The following INTS2 variants were observed in gnomAD, a reference collection of about 807,000 sequenced individuals.
The protein encoded by INTS2 is integrator complex subunit 2.
In INTS2, 57 loss-of-function variants were observed where a neutral mutation model predicts 139.6. The observed-to-expected ratio is 0.41, with a 90% CI of 0.33 to 0.51. The LOEUF is 0.51. INTS2 is among the 20% of genes least tolerant of loss of function. The pLI is 0.28. For missense variants in INTS2, 1,196 were observed against 1,436.7 expected (o/e 0.83, Z 2.71); for synonymous variants, 473 against 493.4 (o/e 0.96, Z 0.55).
chr17:61,879,244 A>G (rs993795450), intron 17 of INTS2, among the ~76,000 whole-genome samples: 1 of 152,000 alleles, frequency 6.6e-6, no homozygotes, highest in African/African-American at 2.4e-5. Context: ...ACAGGACTGA[A>G]AGAGGAAAAT....
intron 8 of INTS2, among the ~76,000 whole-genome samples, chr17:61,904,973 G>A (rs1211815270): frequency 1.3e-5 from 2 of 148,544 alleles, no homozygotes; most frequent in Admixed American, 6.7e-5. Flanking sequence ...TTGAGACAAG[G>A]TCTTGCTCCA....
chr17:61,884,901 C>T lies in INTS2; in HGVS notation c.2089G>A (p.Gly697Arg). ...CAGTAAAAAGCAAAATAAAACATAC[C>T]TCCCAACTCCTGCTGCAGCCCTTGA... ...QAQGLQQELG[G>R]LHSALLRLLA... The change falls in exon 16 of 25, where the codon GGG (glycine) becomes AGG (arginine). Residue 697 changes from glycine (G) to arginine (R), a missense_variant and splice_region_variant. Transcript: ENST00000251334. The T allele has an allele frequency of 6.3e-7, 1 of 1,585,704 alleles. No individual in the cohort carries two copies. Among genetic ancestry groups the T allele is most frequent in the Non-Finnish European group, 8.6e-7 (1 of 1,160,812 alleles).
chr17:61,925,215 TTCTG>T (rs1228727172), intron 2 of INTS2, 116 bp from the exon 3 acceptor site: 6 of 947,186 alleles, frequency 6.3e-6, no homozygotes, highest in African/African-American at 1.6e-5. Flanking sequence ...TTCTAAAATG[TTCTG>T]TTACTTCTGA....
chr17:61,881,766 C>T (rs546843472), intron 16 of INTS2, among the ~76,000 whole-genome samples: 1 of 152,244 alleles, frequency 6.6e-6, no homozygotes, highest in East Asian at 1.9e-4. Context: ...AACTTCCTGA[C>T]AGTCATTTGA....
intron 15 of INTS2, among the ~76,000 whole-genome samples, chr17:61,888,512 T>G (rs992639541): frequency 1.4e-4 from 22 of 152,038 alleles, no homozygotes; most frequent in Non-Finnish European, 1.3e-4. Context: ...GTGAAGTAAC[T>G]AAGTTTCAAA....
rs971451613 is a variant in INTS2 at position 61,882,454 on chromosome 17, T to C, written c.2090-1283A>G. ...ATAATGTTAATAATGAGAGGCTGTG[T>C]GCGGTGGCTCATGCCTGTAATCCCA... On this transcript the variant is annotated intron_variant, in intron 16 of 24. Transcript: ENST00000251334. This position sits in a 1 kb window ranked among gnomAD's most constrained non-coding sequence, Gnocchi z 4.7. 5.3e-5 allele frequency among the ~76,000 whole-genome samples: 8 copies of C among 152,176 alleles called. No individual in the cohort carries two copies. The highest frequency in any genetic ancestry group is 7.3e-5 in the Non-Finnish European group (5 of 68,028).
chr17:61,866,488 A>G lies in INTS2; in HGVS notation c.*1069T>C, dbSNP rs545456860. The G allele has an allele frequency of 1.8e-4, 28 of 152,154 alleles. No individual in the cohort carries two copies. Among genetic ancestry groups the G allele is most frequent in the African/African-American group, 6.0e-4 (25 of 41,526 alleles). 9.4% of individuals were successfully genotyped at this position (152,154 alleles called of 1,614,324 possible). The stretch of plus-strand genomic sequence containing the variant: ...CATTGATAATTTTTTTTTAATGATT[A>G]GGGTTTACCTGAATATGTCTGCCTA... On this transcript the variant is annotated 3_prime_UTR_variant, in exon 25 of 25. Coordinates refer to ENST00000251334, the MANE Select transcript of INTS2 (RefSeq NM_001351695.2).
At chr17:61,878,612 T>C (rs2079146806) in intron 17 of INTS2, among the ~76,000 whole-genome samples, 1 of 150,606 alleles carries the variant, frequency 6.6e-6, no homozygotes, top group Non-Finnish European at 1.5e-5. Flanking sequence ...GCAAGTGTAG[T>C]TGTTCTTTCA....
chr17:61,885,414 CTTT>C (rs201806448), intron 15 of INTS2: 70 of 141,906 alleles, frequency 4.9e-4, no homozygotes, highest in Middle Eastern at 3.5e-3. Context: ...GTAATTTTAT[CTTT>C]TTTTTTTTTT....
At position 61,868,863 on chromosome 17, in the gene INTS2, G is replaced by A. The variant is rs141528060; in HGVS notation, c.3244+171C>T. Among the ~76,000 whole-genome samples the A allele has an allele frequency of 2.2e-3, 340 of 152,226 alleles. 1 individual carries two copies. The highest frequency in any genetic ancestry group is 7.6e-3 in the African/African-American group (316 of 41,556). On this transcript the variant is annotated intron_variant, in intron 23 of 24. Coordinates refer to ENST00000251334, the MANE Select transcript of INTS2 (RefSeq NM_001351695.2). This position sits in a 1 kb window ranked among gnomAD's most constrained non-coding sequence, Gnocchi z 4.7. Reference sequence around the variant, plus strand: ...CTATAAATCACATTTGTAAACAGAAGTTTCCAAAAGAAGAATTCAAAAGAC... The same window carrying A: ...CTATAAATCACATTTGTAAACAGAAATTTCCAAAAGAAGAATTCAAAAGAC...
Position 61,870,687 on chromosome 17 carries a change from G to A in INTS2, c.2779-699C>T, listed in dbSNP as rs1373065520. Among the ~76,000 whole-genome samples, 1 of 152,162 alleles carries A rather than the reference G, an allele frequency of 6.6e-6. No homozygotes were observed. The highest frequency in any genetic ancestry group is 2.4e-5 in the African/African-American group (1 of 41,434). On this transcript the variant is annotated intron_variant, in intron 20 of 24. Transcript: ENST00000251334. The surrounding 1 kb of genome is among the most constrained non-coding windows in gnomAD (Gnocchi z 4.4). ...CCTCTGATAGACAGCTACTGCCTAAGGTAGAGAAAACAATTACTTGAGCTA... is the reference window on the plus strand; with the variant it reads ...CCTCTGATAGACAGCTACTGCCTAAAGTAGAGAAAACAATTACTTGAGCTA...
In INTS2 at chr17:61,867,955, A is replaced by C; in HGVS notation, c.3299T>G (p.Val1100Gly). Residue 1100 changes from valine to glycine, a missense_variant, in exon 24 of 25, where the codon GTC (valine) becomes GGC (glycine). This residue lies in a region of INTS2 where 1,129 missense variants were observed against 1,341.9 expected (regional missense o/e 0.84). Transcript: ENST00000251334. The surrounding 1 kb of genome is among the most constrained non-coding windows in gnomAD (Gnocchi z 5.6). ...TGGAGGAAATGCTCGACAAAAAGAG[A>C]CCAAACTTGGCAGAGTTGGCATAAA... is the stretch of plus-strand genomic sequence containing the variant. ...AFFMPTLPSLVSFCRAFPPLY... is the reference protein window; with the variant it reads ...AFFMPTLPSLGSFCRAFPPLY... 6.2e-7 allele frequency: 1 copy of C among 1,611,814 alleles called. No homozygotes were observed. Among genetic ancestry groups the C allele is most frequent in the Non-Finnish European group, 8.5e-7 (1 of 1,179,252 alleles).
At chr17:61,913,779 T>C (rs769369194) in intron 5 of INTS2, among the ~76,000 whole-genome samples, 1 of 152,072 alleles carries the variant, frequency 6.6e-6, no homozygotes, top group African/African-American at 2.4e-5. Context: ...TTATGCCAGA[T>C]GGAAATATGG....
At chr17:61,926,692 A>T in intron 1 of INTS2, 30 bp from the exon 2 acceptor site, 1 of 1,548,852 alleles carries the variant, frequency 6.5e-7, no homozygotes. Context: ...TGAAAGTAGG[A>T]GTTTAACTTT....
At chr17:61,883,762 AAAAAG>A (rs1473158944) in intron 16 of INTS2, among the ~76,000 whole-genome samples, 4 of 151,864 alleles carry the variant, frequency 2.6e-5, no homozygotes, top group African/African-American at 4.8e-5. Flanking sequence ...CAAAAAAAAA[AAAAAG>A]AAAAGAAAAA....
At position 61,868,958 on chromosome 17, in the gene INTS2, G is replaced by A; in HGVS notation, c.3244+76C>T. On this transcript the variant is annotated intron_variant, in intron 23 of 24. Coordinates refer to ENST00000251334, the MANE Select transcript of INTS2 (RefSeq NM_001351695.2). The surrounding 1 kb of genome is among the most constrained non-coding windows in gnomAD (Gnocchi z 4.7). ...CTCAGAGTGACAGAAAAAACATATTGCATCACTAAATGCAGAAAATATAGG... is the reference window on the plus strand; with the variant it reads ...CTCAGAGTGACAGAAAAAACATATTACATCACTAAATGCAGAAAATATAGG... 2.4e-6 allele frequency: 2 copies of A among 838,154 alleles called. No individual in the cohort carries two copies. Among genetic ancestry groups the A allele is most frequent in the East Asian group, 4.9e-5 (2 of 40,938 alleles). The allele number at this position is 838,154 out of a possible 1,614,324, so 51.9% of individuals were successfully genotyped here. A position where few individuals can be genotyped will look rare whatever the true frequency, so the allele number is the denominator to read the frequency against.
chr17:61,917,142 C>T (rs1026761063), intron 5 of INTS2, among the ~76,000 whole-genome samples: 1 of 152,164 alleles, frequency 6.6e-6, no homozygotes, highest in Non-Finnish European at 1.5e-5. Context: ...ATAATAGGTG[C>T]TAGCGAGGCT....
intron 5 of INTS2, among the ~76,000 whole-genome samples, chr17:61,915,839 A>G: frequency 6.6e-6 from 1 of 150,636 alleles, no homozygotes; most frequent in East Asian, 1.9e-4. Context: ...AAAAAAAAAA[A>G]ATCATATAAG....
At position 61,897,787 on chromosome 17, in the gene INTS2, G is replaced by T; in HGVS notation, c.1308-48C>A. 3 of 1,219,694 alleles carry T rather than the reference G, an allele frequency of 2.5e-6. No individual in the cohort carries two copies. Among genetic ancestry groups the T allele is most frequent in the Non-Finnish European group, 2.3e-6 (2 of 852,566 alleles). 75.6% of individuals were successfully genotyped at this position (1,219,694 alleles called of 1,614,324 possible). A position where few individuals can be genotyped will look rare whatever the true frequency, so the allele number is the denominator to read the frequency against. On this transcript the variant is annotated intron_variant, in intron 9 of 24. Transcript: ENST00000251334. The surrounding 1 kb of genome is among the most constrained non-coding windows in gnomAD (Gnocchi z 4.4). ...TCACTGGTTTAAATTAGATATACTA[G>T]CATATGAATAAAAAGCATTCTGAAG...
Sources: allele counts gnomAD v4.1 joint callset (sites outside exome capture counted in the v4.1 genomes callset), GRCh38; gene constraint gnomAD v4.1.1; regional missense constraint gnomAD v4.1.1; non-coding constraint Gnocchi (gnomAD v3.1); transcripts MANE v1.5; gene names NCBI Gene and HGNC (gene_info 2026-07-23, HGNC 2026-07-21).